Variants in NOL4 observed in about 807,000 individuals in gnomAD.
NOL4 encodes the protein cancer/testis antigen 125.
A neutral mutation model predicts 75.9 loss-of-function variants in NOL4; 17 were observed. The ratio of observed to expected loss-of-function variants is 0.22; its 90% CI spans 0.15 to 0.34. The LOEUF (loss-of-function observed/expected upper bound fraction) is 0.34. Ranked by LOEUF, NOL4 falls within the 10% of genes least tolerant of loss-of-function variation. The pLI is 1.00. For synonymous variants in NOL4, 292 were observed against 289.9 expected, an observed-to-expected ratio of 1.01 and a Z score of -0.07; for missense variants, 614 against 793.5, an observed-to-expected ratio of 0.77 and a Z score of 2.72.
At chr18:33,865,789 T>C (rs1163543429) in intron 10 of NOL4, among the ~76,000 whole-genome samples, 1 of 152,106 alleles carries the variant, frequency 6.6e-6, no homozygotes, top group African/African-American at 2.4e-5. Context: ...ACCAGTTAGG[T>C]CTAACTGTAA....
intron 6 of NOL4, among the ~76,000 whole-genome samples, chr18:33,972,294 C>T (rs949884961): frequency 6.6e-6 from 1 of 151,404 alleles, no homozygotes; most frequent in Non-Finnish European, 1.5e-5. Context: ...AAACAAATAA[C>T]CTGATTAAAA....
intron 1 of NOL4, among the ~76,000 whole-genome samples, chr18:34,140,274 T>A (rs1228407155): frequency 6.6e-6 from 1 of 152,176 alleles, no homozygotes; most frequent in African/African-American, 2.4e-5. Flanking sequence ...ATGTTGACAG[T>A]GGGGTGTTAA....
intron 10 of NOL4, among the ~76,000 whole-genome samples, chr18:33,855,287 G>A (rs1319446673): frequency 6.6e-6 from 1 of 152,034 alleles, no homozygotes; most frequent in Non-Finnish European, 1.5e-5. Context: ...CTGCCTCATT[G>A]AGTGAATCCC....
rs185419813 is a variant in NOL4 at position 33,921,681 on chromosome 18, C to G, written c.1542+21384G>C. Among the ~76,000 whole-genome samples the G allele has an allele frequency of 1.1e-3, 172 of 152,234 alleles. 1 individual carries two copies. Among genetic ancestry groups the G allele is most frequent in the Non-Finnish European group, 1.1e-3 (76 of 68,012 alleles). ...CCTCCCCTAGAGGTTTTTGAGGGAG[C>G]AGGGCCCTTCTAATACTTTGATTTT... On this transcript the variant is annotated intron_variant, in intron 9 of 10. Transcript: ENST00000261592.
rs768934566 is a variant in NOL4 at position 34,069,037 on chromosome 18, T to C, written c.772+24428A>G. On this transcript the variant is annotated intron_variant, in intron 5 of 10. Transcript: ENST00000261592. Reference sequence around the variant, plus strand: ...AGGAAAAAATTATCCATAATAAAGGTAAAGCAAAATAAAAAGAATAAGACC... The same window carrying C: ...AGGAAAAAATTATCCATAATAAAGGCAAAGCAAAATAAAAAGAATAAGACC... Among the ~76,000 whole-genome samples the C allele has an allele frequency of 2.0e-5, 3 of 152,170 alleles. No individual in the cohort carries two copies. The South Asian group carries it at 6.2e-4, about 32-fold the overall frequency.
chr18:34,129,467 A>G (rs909266580), intron 2 of NOL4, among the ~76,000 whole-genome samples: 11 of 151,836 alleles, frequency 7.2e-5, no homozygotes, highest in Non-Finnish European at 1.3e-4. Context: ...AAATACCTAA[A>G]CATATTAATA....
At chr18:33,974,739 C>T (rs893753175) in intron 6 of NOL4, among the ~76,000 whole-genome samples, 1 of 151,874 alleles carries the variant, frequency 6.6e-6, no homozygotes, top group African/African-American at 2.4e-5. Flanking sequence ...GACACAGTTT[C>T]CTCTAAACTT....
chr18:34,041,397 C>G (rs777528206), intron 5 of NOL4, among the ~76,000 whole-genome samples: 2 of 151,756 alleles, frequency 1.3e-5, no homozygotes, highest in African/African-American at 2.4e-5. Flanking sequence ...GAGGAAAGAA[C>G]TAAAGGCAAA....
At chr18:33,968,424 A>G (rs895925852) in intron 6 of NOL4, among the ~76,000 whole-genome samples, 2 of 152,238 alleles carry the variant, frequency 1.3e-5, no homozygotes, top group Non-Finnish European at 1.5e-5. Context: ...AACATGGTAC[A>G]TATACATCAT....
chr18:33,995,588 T>C (rs2073220266), intron 6 of NOL4, among the ~76,000 whole-genome samples: 1 of 151,672 alleles, frequency 6.6e-6, no homozygotes, highest in African/African-American at 2.4e-5. Flanking sequence ...ACTTAATGAA[T>C]CTCAGAGAAA....
intron 1 of NOL4, among the ~76,000 whole-genome samples, chr18:34,167,014 C>CGG (rs2146228566): frequency 9.9e-6 from 1 of 101,356 alleles, no homozygotes; most frequent in South Asian, 3.4e-4. Flanking sequence ...GTCCGCAGTC[C>CGG]GGCCTGGGCG....
At chr18:34,216,995 A>G (rs903213023) in intron 1 of NOL4, among the ~76,000 whole-genome samples, 7 of 152,116 alleles carry the variant, frequency 4.6e-5, no homozygotes, top group Admixed American at 4.6e-4. Context: ...GCCTGTCCAT[A>G]TGCAACTATC....
At chr18:33,966,055 T>C (rs540128011) in intron 6 of NOL4, among the ~76,000 whole-genome samples, 5 of 152,174 alleles carry the variant, frequency 3.3e-5, no homozygotes, top group Non-Finnish European at 5.9e-5. Context: ...ATATCCCCTC[T>C]GTTTTGACTA....
chr18:34,082,360 C>T (rs1177570630), intron 5 of NOL4, among the ~76,000 whole-genome samples: 2 of 150,818 alleles, frequency 1.3e-5, no homozygotes, highest in Admixed American at 6.6e-5. Flanking sequence ...CTCTTGTATA[C>T]CAGAAAAAGA....
At chr18:33,938,917 G>A (rs549204118) in intron 9 of NOL4, among the ~76,000 whole-genome samples, 92 of 152,078 alleles carry the variant, frequency 6.0e-4, no homozygotes, top group African/African-American at 2.1e-3. Flanking sequence ...TAGGTCTTAC[G>A]TTTAAGTCTC....
At chr18:33,881,519 G>A in intron 10 of NOL4, among the ~76,000 whole-genome samples, 1 of 151,884 alleles carries the variant, frequency 6.6e-6, no homozygotes, top group East Asian at 1.9e-4. Flanking sequence ...ACCTCTTCAA[G>A]GAGAACTACA....
chr18:33,914,079 C>T (rs2066568395), intron 9 of NOL4, among the ~76,000 whole-genome samples: 1 of 151,942 alleles, frequency 6.6e-6, no homozygotes, highest in South Asian at 2.1e-4. Context: ...TTAAAATATG[C>T]ATTTTATAGG....
At chr18:33,927,785 A>G (rs2067433370) in intron 9 of NOL4, among the ~76,000 whole-genome samples, 1 of 152,184 alleles carries the variant, frequency 6.6e-6, no homozygotes, top group Non-Finnish European at 1.5e-5. Context: ...AGTTATGTAG[A>G]AACACTAATG....
At chr18:33,960,579 T>C (rs1007023000) in intron 6 of NOL4, among the ~76,000 whole-genome samples, 30 of 152,264 alleles carry the variant, frequency 2.0e-4, no homozygotes, top group African/African-American at 6.5e-4. Context: ...TGTGCCAAGA[T>C]ACTCTGCCAC....
Sources: allele counts gnomAD v4.1 joint callset (sites outside exome capture counted in the v4.1 genomes callset), GRCh38; gene constraint gnomAD v4.1.1; transcripts MANE v1.5; gene names NCBI Gene and HGNC (gene_info 2026-07-23, HGNC 2026-07-21).